JAG1: variants seen among roughly 807,000 people sequenced by gnomAD.
The protein encoded by JAG1 is jagged canonical Notch ligand 1.
A neutral mutation model predicts 148.7 loss-of-function variants in JAG1; 23 were observed. The ratio of observed to expected loss-of-function variants is 0.15; its 90% confidence interval spans 0.11 to 0.22. The LOEUF is 0.22. JAG1 is among the 10% of genes least tolerant of loss of function. The pLI is 1.00. For missense variants in JAG1, 1,054 were observed against 1,611.2 expected (o/e 0.65, Z 5.92); for synonymous variants, 572 against 598.3 (o/e 0.96, Z 0.64).
rs1242566920 is a variant in JAG1, at chr20:10,638,649, T to C, written c.*849A>G. ...AAACATCTGACGTCGTACAAAAAAA[T>C]TCCATCAGTATTCTGGGCACAGAAG... On this transcript the variant is annotated 3_prime_UTR_variant, in exon 26 of 26. Transcript: ENST00000254958. The C allele has an allele frequency of 6.6e-6, 1 of 151,512 alleles. No homozygotes were observed. The highest frequency in any genetic ancestry group is 2.4e-5 in the African/African-American group (1 of 41,148). The allele number at this position is 151,512 out of a possible 1,614,324, so 9.4% of individuals were successfully genotyped here. A position where few individuals can be genotyped will look rare whatever the true frequency, so the allele number is the denominator to read the frequency against.
intron 13 of JAG1, among the ~76,000 whole-genome samples, 187 bp downstream of exon 13, chr20:10,647,773 C>T (rs1260619634): frequency 6.6e-6 from 1 of 152,262 alleles, no homozygotes; most frequent in Non-Finnish European, 1.5e-5. Context: ...AGACACGGCT[C>T]TCCCACTGGC....
At position 10,645,176 on chromosome 20, in the gene JAG1, G is replaced by A. The variant is rs749076521; in HGVS notation, c.2194C>T (p.Pro732Ser). 1 of 1,614,096 alleles carries A rather than the reference G, an allele frequency of 6.2e-7. No homozygotes were observed. Among genetic ancestry groups the A allele is most frequent in the South Asian group, 1.1e-5 (1 of 91,082 alleles). Residue 732 changes from proline (P) to serine (S), a missense_variant, in exon 17 of 26, where the codon CCT (proline) becomes TCT (serine). This residue lies in a region of JAG1 where 342 missense variants were observed against 514.6 expected (regional missense o/e 0.66). Transcript: ENST00000254958. The surrounding 1 kb of genome is among the most constrained non-coding windows in gnomAD (Gnocchi z 6.1). ...DEGDAFKCMC[P>S]GGWEGTTCNI... ...CAGGTTGTTCCTTCCCAGCCGCCAGGACACATGCACTTAAAAGCATCCCCC... is the reference window on the plus strand; with the variant it reads ...CAGGTTGTTCCTTCCCAGCCGCCAGAACACATGCACTTAAAAGCATCCCCC...
At chr20:10,662,738 AC>A (rs1475026921) in intron 3 of JAG1, among the ~76,000 whole-genome samples, 1 of 150,246 alleles carries the variant, frequency 6.7e-6, no homozygotes, top group Non-Finnish European at 1.5e-5. Flanking sequence ...CTTCCCTGCC[AC>A]CCCCACACAC....
chr20:10,651,465 C>T (rs2067345736), intron 8 of JAG1, 116 bp downstream of exon 8: 2 of 691,002 alleles, frequency 2.9e-6, no homozygotes, highest in Non-Finnish European at 2.6e-6. Flanking sequence ...CTTAGGCCTG[C>T]ACCCGCCCCT....
At chr20:10,657,076 T>G (rs913460736) in intron 4 of JAG1, among the ~76,000 whole-genome samples, 5 of 151,868 alleles carry the variant, frequency 3.3e-5, no homozygotes, top group Non-Finnish European at 7.4e-5. Flanking sequence ...AAAATGTCAG[T>G]TTCTAAGACC....
intron 7 of JAG1, 112 bp from the exon 8 acceptor site, chr20:10,651,806 A>G: frequency 1.3e-6 from 1 of 751,192 alleles, no homozygotes; most frequent in Non-Finnish European, 2.3e-6. Flanking sequence ...ATATTTCAAA[A>G]ACCAAAAGCA....
intron 8 of JAG1, chr20:10,650,791 G>T: frequency 8.6e-6 from 2 of 232,646 alleles, no homozygotes; most frequent in South Asian, 6.2e-5. Context: ...ACACCTAGAG[G>T]CTGCATTCTC....
intron 2 of JAG1, among the ~76,000 whole-genome samples, chr20:10,667,628 G>C (rs1384206109): frequency 6.6e-6 from 1 of 152,140 alleles, no homozygotes; most frequent in Non-Finnish European, 1.5e-5. Flanking sequence ...TTCAGGCACA[G>C]AAAGCAATCA....
intron 3 of JAG1, among the ~76,000 whole-genome samples, chr20:10,659,228 T>G (rs551584555): frequency 1.9e-4 from 29 of 152,372 alleles, no homozygotes; most frequent in Non-Finnish European, 3.2e-4. Flanking sequence ...CTATGCCTGA[T>G]AGGTAAAGAG....
chr20:10,669,978 C>T (rs1192133497), intron 2 of JAG1, among the ~76,000 whole-genome samples: 1 of 152,106 alleles, frequency 6.6e-6, no homozygotes, highest in East Asian at 1.9e-4. Flanking sequence ...GCAAGTTAAG[C>T]CCCTTAGAGC....
chr20:10,649,122 A>C lies in JAG1; in HGVS notation c.1349-15T>G. On this transcript the variant is annotated splice_polypyrimidine_tract_variant and intron_variant, in intron 10 of 25. Transcript: ENST00000254958. Reference sequence around the variant, plus strand: ...GTCATTAATATCTAAAAAATAAATAAGTCATCATTTTAAAGAGGTAATTTA... The same window carrying C: ...GTCATTAATATCTAAAAAATAAATACGTCATCATTTTAAAGAGGTAATTTA... 1 of 1,578,018 alleles carries C rather than the reference A, an allele frequency of 6.3e-7. No individual in the cohort carries two copies. Among genetic ancestry groups the C allele is most frequent in the South Asian group, 1.1e-5 (1 of 90,240 alleles).
At chr20:10,668,363 C>T (rs764946545) in intron 2 of JAG1, among the ~76,000 whole-genome samples, 2 of 152,188 alleles carry the variant, frequency 1.3e-5, no homozygotes, top group Non-Finnish European at 2.9e-5. Context: ...CCAAGAGTCA[C>T]TTCTCTCAGC....
chr20:10,664,126 TA>T, intron 2 of JAG1, 112 bp from the exon 3 acceptor site: 1 of 861,646 alleles, frequency 1.2e-6, no homozygotes, highest in Non-Finnish European at 2.0e-6. Flanking sequence ...AATGCCAAAA[TA>T]AAAATTCTGT....
chr20:10,652,342 A>C, intron 6 of JAG1, 92 bp from the exon 7 acceptor site: 9 of 1,599,650 alleles, frequency 5.6e-6, no homozygotes, highest in Non-Finnish European at 7.7e-6. Context: ...AAAAAGAAAA[A>C]CCAGAAAACC....
chr20:10,659,891 T>C (rs890349176), intron 3 of JAG1, among the ~76,000 whole-genome samples: 6 of 152,256 alleles, frequency 3.9e-5, no homozygotes, highest in African/African-American at 4.8e-5. Flanking sequence ...GGTACAAAAA[T>C]AGCTCAAACA....
intron 25 of JAG1, 86 bp from the exon 26 acceptor site, chr20:10,640,041 T>C: frequency 9.4e-7 from 1 of 1,069,096 alleles, no homozygotes. Flanking sequence ...CCAACAGTGG[T>C]TCTCCTGCCC....
rs566556315 is a variant in JAG1, at chr20:10,638,485, A to G, written c.*1013T>C. 4 of 152,798 alleles carry G rather than the reference A, an allele frequency of 2.6e-5. No individual in the cohort carries two copies. Among genetic ancestry groups the G allele is most frequent in the South Asian group, 4.1e-4 (2 of 4,828 alleles). 9.5% of individuals were successfully genotyped at this position (152,798 alleles called of 1,614,324 possible). On this transcript the variant is annotated 3_prime_UTR_variant, in exon 26 of 26. Coordinates refer to ENST00000254958, the MANE Select transcript of JAG1 (RefSeq NM_000214.3). ...TTGTTCCCTTACTGCTCTGCAGCAG[A>G]TCACCTGCCTGTCTCTTTTCAAGTC...
chr20:10,672,828 G>C lies in JAG1; in HGVS notation c.260C>G (p.Thr87Arg). 1.9e-6 allele frequency: 3 copies of C among 1,613,256 alleles called. No homozygotes were observed. The highest frequency in any genetic ancestry group is 2.5e-6 in the Non-Finnish European group (3 of 1,180,030). ...VCLKEYQSRV[T>R]AGGPCSFGSG... ...GCCGAAGCTGCAGGGCCCCCCGGCC[G>C]TGACGCGGGACTGATACTCCTTGAG... is the stretch of plus-strand genomic sequence containing the variant. The change falls in exon 2 of 26, where the codon ACG becomes AGG. Residue 87 changes from threonine to arginine, a missense_variant. Physicochemically the swap from Thr to Arg is moderately conservative, Grantham distance 71. Around this residue, in one of 6 missense-constraint regions of JAG1, gnomAD observed 151 missense variants for 211.1 expected, o/e 0.72. Coordinates refer to ENST00000254958, the MANE Select transcript of JAG1 (RefSeq NM_000214.3).
chr20:10,650,171 C>T (rs927704100), intron 9 of JAG1, 76 bp downstream of exon 9: 23 of 883,530 alleles, frequency 2.6e-5, no homozygotes, highest in African/African-American at 1.5e-4. Flanking sequence ...GCCGGCCACA[C>T]GCTCGTCTTC....
Sources: allele counts gnomAD v4.1 joint callset (sites outside exome capture counted in the v4.1 genomes callset), GRCh38; gene constraint gnomAD v4.1.1; regional missense constraint gnomAD v4.1.1; non-coding constraint Gnocchi (gnomAD v3.1); transcripts MANE v1.5; gene names NCBI Gene and HGNC (gene_info 2026-07-23, HGNC 2026-07-21).